ADARB2: variants seen among roughly 807,000 people sequenced by gnomAD.
ADARB2 encodes adenosine deaminase RNA specific B2 (inactive).
ADARB2 carries 25 observed loss-of-function variants against 62.2 expected under a neutral mutation model. The ratio of observed to expected loss-of-function variants is 0.40; its 90% CI spans 0.29 to 0.56. The LOEUF (loss-of-function observed/expected upper bound fraction) is 0.56. ADARB2 is among the 20% of genes least tolerant of loss of function. ADARB2 has a pLI of 0.43. For synonymous variants in ADARB2, 572 were observed against 500.8 expected, an observed-to-expected ratio of 1.14 and a Z score of -1.90; for missense variants, 1,071 against 1,077.4, an observed-to-expected ratio of 0.99 and a Z score of 0.08.
intron 1 of ADARB2, among the ~76,000 whole-genome samples, chr10:1,539,686 T>G (rs964549111): frequency 1.3e-5 from 2 of 152,260 alleles, no homozygotes; most frequent in African/African-American, 4.8e-5. Context: ...ATTTTGCTTT[T>G]ATTTACAGGG....
chr10:1,295,859 G>C (rs763425894), intron 3 of ADARB2, among the ~76,000 whole-genome samples: 2 of 152,214 alleles, frequency 1.3e-5, no homozygotes, highest in Non-Finnish European at 2.9e-5. Context: ...GACTGTAGTA[G>C]GAAAAGGTGG....
chr10:1,379,032 T>C lies in ADARB2; in HGVS notation c.187+42A>G, dbSNP rs201596395. 146 of 1,546,006 alleles carry C rather than the reference T, an allele frequency of 9.4e-5. No homozygotes were observed. The East Asian group carries it at 3.1e-3, about 33-fold the overall frequency. On this transcript the variant is annotated intron_variant, in intron 2 of 9. Transcript: ENST00000381312. Reference sequence around the variant, plus strand: ...CTGCAGGGGACCCCTGCACAAAGGATACAGGGGCCTTTGTGTACTTCGGGG... The same window carrying C: ...CTGCAGGGGACCCCTGCACAAAGGACACAGGGGCCTTTGTGTACTTCGGGG...
chr10:1,327,077 A>C (rs146505772), intron 3 of ADARB2, among the ~76,000 whole-genome samples: 1,010 of 56,586 alleles, frequency 0.018, 210 homozygotes, highest in African/African-American at 0.13. Flanking sequence ...TCCCCACTGC[A>C]CAGCGCCTCC....
chr10:1,376,900 G>T (rs1329632061), intron 2 of ADARB2, among the ~76,000 whole-genome samples: 2 of 150,744 alleles, frequency 1.3e-5, no homozygotes, highest in African/African-American at 4.9e-5. Flanking sequence ...TGCTCCTGGG[G>T]TGTGTGTGTG....
rs1055691913 is a variant in ADARB2, at chr10:1,684,429, C to T, written c.100+52622G>A. 2.6e-5 allele frequency among the ~76,000 whole-genome samples: 4 copies of T among 152,006 alleles called. No homozygotes were observed. In the East Asian group the frequency reaches 7.7e-4, roughly 29 times the overall value. On this transcript the variant is annotated intron_variant, in intron 1 of 9. Transcript: ENST00000381312. The stretch of plus-strand genomic sequence containing the variant: ...GTGGTGAAAAATGTATTTCTGTATG[C>T]ACACACACACATATATATTCTCTAT...
In ADARB2 at chr10:1,532,387, C is replaced by T. The variant is rs115060973; in HGVS notation, c.101-153227G>A. Among the ~76,000 whole-genome samples the T allele has an allele frequency of 2.7e-3, 413 of 152,300 alleles. 4 individuals carry two copies. Among genetic ancestry groups the T allele is most frequent in the African/African-American group, 9.4e-3 (391 of 41,568 alleles). ...GAACCAACTTTCCCCCGTGATCTCC[C>T]GCTCTGATCTTCATGACACCTGGCT... On this transcript the variant is annotated intron_variant, in intron 1 of 9. Transcript: ENST00000381312.
chr10:1,465,834 G>C (rs971270524), intron 1 of ADARB2, among the ~76,000 whole-genome samples: 1 of 152,190 alleles, frequency 6.6e-6, no homozygotes, highest in Admixed American at 6.5e-5. Context: ...AGCCTCCCTC[G>C]GGCGGTCCTG....
rs1415662222 is a variant in ADARB2 at position 1,426,954 on chromosome 10, C to T, written c.101-47794G>A. Among the ~76,000 whole-genome samples the T allele has an allele frequency of 1.3e-5, 2 of 152,272 alleles. No homozygotes were observed. Among genetic ancestry groups the T allele is most frequent in the South Asian group, 2.1e-4 (1 of 4,832 alleles). On this transcript the variant is annotated intron_variant, in intron 1 of 9. Transcript: ENST00000381312. This position sits in a 1 kb window ranked among gnomAD's most constrained non-coding sequence, Gnocchi z 4.1. ...CCAAACCCTGCCCATCGGGAAGAGG[C>T]CACAGAGCTATGTGTCGGCCCCACG... is the stretch of plus-strand genomic sequence containing the variant.
chr10:1,294,276 C>T (rs1356820500), intron 3 of ADARB2, among the ~76,000 whole-genome samples: 3 of 152,206 alleles, frequency 2.0e-5, no homozygotes, highest in Non-Finnish European at 2.9e-5. Flanking sequence ...CTGATGCCAG[C>T]CATGTGCAGA....
intron 1 of ADARB2, among the ~76,000 whole-genome samples, chr10:1,447,800 G>A (rs1022726973): frequency 6.6e-6 from 1 of 152,136 alleles, no homozygotes; most frequent in African/African-American, 2.4e-5. Context: ...TCATCATTTA[G>A]CTCCTGCTTA....
At chr10:1,306,461 T>C (rs1831630199) in intron 3 of ADARB2, among the ~76,000 whole-genome samples, 1 of 152,008 alleles carries the variant, frequency 6.6e-6, no homozygotes, top group Non-Finnish European at 1.5e-5. Context: ...GAAGAATCAA[T>C]ATCGTGAAAA....
intron 1 of ADARB2, among the ~76,000 whole-genome samples, chr10:1,524,103 T>G (rs1177243064): frequency 6.6e-6 from 1 of 151,374 alleles, no homozygotes; most frequent in Non-Finnish European, 1.5e-5. Context: ...GATAGATAGA[T>G]TAGAGAGAGA....
chr10:1,184,547 C>T (rs1362792094), intron 9 of ADARB2, among the ~76,000 whole-genome samples: 3 of 152,196 alleles, frequency 2.0e-5, no homozygotes, highest in Non-Finnish European at 2.9e-5. Flanking sequence ...CAAAAGTCCC[C>T]AGGAGCTGCT....
chr10:1,267,083 A>C (rs1003441046), intron 4 of ADARB2, among the ~76,000 whole-genome samples: 4 of 151,928 alleles, frequency 2.6e-5, no homozygotes, highest in Non-Finnish European at 5.9e-5. Flanking sequence ...AATAGCTTAA[A>C]TATGTCAAGA....
At chr10:1,687,657 CA>C (rs111991667) in intron 1 of ADARB2, among the ~76,000 whole-genome samples, 228 of 141,434 alleles carry the variant, frequency 1.6e-3, no homozygotes, top group East Asian at 4.9e-3. Flanking sequence ...TTTTTTTCTG[CA>C]AAAAAAAAAA....
chr10:1,263,947 C>A (rs939980079), intron 4 of ADARB2, among the ~76,000 whole-genome samples: 6 of 152,190 alleles, frequency 3.9e-5, no homozygotes, highest in African/African-American at 7.2e-5. Context: ...TCACACTACG[C>A]AAGGGTCAGC....
At chr10:1,624,274 C>A (rs1033174245) in intron 1 of ADARB2, among the ~76,000 whole-genome samples, 1 of 151,976 alleles carries the variant, frequency 6.6e-6, no homozygotes, top group Non-Finnish European at 1.5e-5. Context: ...AAACAAAAAC[C>A]AAAGAAAAAA....
At chr10:1,401,762 G>A (rs930258731) in intron 1 of ADARB2, among the ~76,000 whole-genome samples, 2 of 152,130 alleles carry the variant, frequency 1.3e-5, no homozygotes, top group Non-Finnish European at 2.9e-5. Context: ...AGGAGAATGA[G>A]CCACTGAGCA....
chr10:1,205,173 C>T (rs780130125), intron 7 of ADARB2, among the ~76,000 whole-genome samples: 9 of 152,172 alleles, frequency 5.9e-5, no homozygotes, highest in Non-Finnish European at 1.0e-4. Flanking sequence ...CCCTGCTGCC[C>T]GGGGGCTGCC....
Sources: allele counts gnomAD v4.1 joint callset (sites outside exome capture counted in the v4.1 genomes callset), GRCh38; gene constraint gnomAD v4.1.1; non-coding constraint Gnocchi (gnomAD v3.1); transcripts MANE v1.5; gene names NCBI Gene and HGNC (gene_info 2026-07-23, HGNC 2026-07-21).